Variants in SMG6 observed in about 807,000 individuals in gnomAD.
The protein encoded by SMG6 is telomerase-binding protein EST1A.
SMG6 carries 66 observed loss-of-function variants against 142.2 expected under a neutral mutation model. The observed-to-expected ratio is 0.46, with a 90% CI of 0.38 to 0.57. The LOEUF is 0.57. SMG6 is among the 20% of genes least tolerant of loss of function. SMG6 has a pLI of 0.00. For missense variants in SMG6, 1,793 were observed against 1,832.0 expected (o/e 0.98, Z 0.39); for synonymous variants, 779 against 702.4 (o/e 1.11, Z -1.72).
At chr17:2,284,352 A>G (rs886572324) in intron 6 of SMG6, among the ~76,000 whole-genome samples, 1 of 152,194 alleles carries the variant, frequency 6.6e-6, no homozygotes, top group African/African-American at 2.4e-5. Context: ...TGTTATTGAT[A>G]ATTTTTTAAA....
intron 10 of SMG6, among the ~76,000 whole-genome samples, chr17:2,190,163 C>T (rs959264257): frequency 1.3e-5 from 2 of 152,168 alleles, no homozygotes; most frequent in Non-Finnish European, 2.9e-5. Flanking sequence ...CTGTCAGTAC[C>T]GCCCAGCTCA....
chr17:2,115,925 T>C (rs77414017), intron 13 of SMG6, among the ~76,000 whole-genome samples: 2,892 of 152,228 alleles, frequency 0.019, 54 homozygotes, highest in South Asian at 0.065. Flanking sequence ...CAGGTTGGTC[T>C]TGAACTCATG....
At chr17:2,260,150 A>G (rs553061081) in intron 8 of SMG6, among the ~76,000 whole-genome samples, 1 of 152,372 alleles carries the variant, frequency 6.6e-6, no homozygotes, top group Admixed American at 6.5e-5. Context: ...GAAAAAGAAG[A>G]AAACTGTTAG....
chr17:2,236,364 G>A (rs2073651759), intron 10 of SMG6, 128 bp downstream of exon 10: 1 of 813,982 alleles, frequency 1.2e-6, no homozygotes, highest in African/African-American at 1.7e-5. Context: ...AGGAAGCGTA[G>A]GGTAGGGTGT....
chr17:2,251,133 A>G (rs913960193), intron 8 of SMG6, among the ~76,000 whole-genome samples: 4 of 146,794 alleles, frequency 2.7e-5, no homozygotes, highest in Non-Finnish European at 4.5e-5. Flanking sequence ...GGAATCTAAG[A>G]AAAAAAAAAA....
rs527563765 is a variant in SMG6 at position 2,149,630 on chromosome 17, T to A, written c.3357+23028A>T. 3.3e-5 allele frequency among the ~76,000 whole-genome samples: 5 copies of A among 152,266 alleles called. No individual in the cohort carries two copies. The East Asian group carries it at 9.7e-4, about 29-fold the overall frequency. ...CAATCTAGGCAGGGCTTGTAGGCAC[T>A]CCTTGACATCGTGGTCTGACTGGCA... On this transcript the variant is annotated intron_variant, in intron 13 of 18. Coordinates refer to ENST00000263073, the MANE Select transcript of SMG6 (RefSeq NM_017575.5).
In SMG6 at chr17:2,300,514, T is replaced by C. The variant is rs1414167290; in HGVS notation, c.239A>G (p.Asn80Ser). ...GSEEFKDEIVNDRDCSAVENG... is the reference protein window; with the variant it reads ...GSEEFKDEIVSDRDCSAVENG... ...TTCAACAGCAGAGCAATCTCGGTCA[T>C]TAACAATTTCATCTTTGAATTCCTC... Residue 80 changes from asparagine to serine, a missense_variant, in exon 2 of 19, where the codon AAT (asparagine) becomes AGT (serine). By Grantham distance (46) the Asn-to-Ser change is conservative. Transcript: ENST00000263073. The C allele has an allele frequency of 6.2e-7, 1 of 1,614,162 alleles. No individual in the cohort carries two copies. Among genetic ancestry groups the C allele is most frequent in the Non-Finnish European group, 8.5e-7 (1 of 1,180,000 alleles).
intron 13 of SMG6, among the ~76,000 whole-genome samples, chr17:2,120,270 C>T (rs2069645778): frequency 6.6e-6 from 1 of 152,200 alleles, no homozygotes; most frequent in Non-Finnish European, 1.5e-5. Flanking sequence ...ATAGGTAAGA[C>T]ACAGGCTTTG....
At chr17:2,081,298 G>A (rs1001168742) in intron 15 of SMG6, among the ~76,000 whole-genome samples, 1 of 152,198 alleles carries the variant, frequency 6.6e-6, no homozygotes, top group African/African-American at 2.4e-5. Context: ...GCTGATGGGG[G>A]TCAAAGTCCC....
At chr17:2,069,262 A>G (rs908570159) in intron 15 of SMG6, among the ~76,000 whole-genome samples, 3 of 152,190 alleles carry the variant, frequency 2.0e-5, no homozygotes, top group Non-Finnish European at 4.4e-5. Context: ...CTTAGATATG[A>G]AAGTGGTTTC....
At chr17:2,273,962 C>T (rs902743741) in intron 8 of SMG6, among the ~76,000 whole-genome samples, 2 of 152,156 alleles carry the variant, frequency 1.3e-5, no homozygotes, top group Non-Finnish European at 2.9e-5. Context: ...AGAACATAAC[C>T]ACCACAAATA....
intron 13 of SMG6, among the ~76,000 whole-genome samples, chr17:2,110,031 G>A (rs1237620562): frequency 7.0e-6 from 1 of 142,068 alleles, no homozygotes; most frequent in Non-Finnish European, 1.5e-5. Context: ...GCAGTGAGCA[G>A]AGATTGCACT....
In SMG6 at chr17:2,083,064, G is replaced by GA. The variant is rs537503319; in HGVS notation, c.3535-1109dup. On this transcript the variant is annotated intron_variant, in intron 14 of 18. Coordinates refer to ENST00000263073, the MANE Select transcript of SMG6 (RefSeq NM_017575.5). The stretch of plus-strand genomic sequence containing the variant: ...CAGGGTCACATGGCTAGTAAAGGCA[G>GA]AACAGGGATTGAAGCCCAAGTGAAT... Among the ~76,000 whole-genome samples the GA allele has an allele frequency of 2.2e-4, 33 of 152,296 alleles. No homozygotes were observed. The East Asian group carries it at 4.3e-3, about 20-fold the overall frequency.
intron 2 of SMG6, among the ~76,000 whole-genome samples, chr17:2,298,561 AC>A (rs1276598857): frequency 1.3e-5 from 2 of 152,040 alleles, no homozygotes; most frequent in African/African-American, 2.4e-5. Flanking sequence ...CTCTAAAAAT[AC>A]AAAAAATTAG....
At chr17:2,149,787 G>C (rs769553627) in intron 13 of SMG6, among the ~76,000 whole-genome samples, 64 of 152,210 alleles carry the variant, frequency 4.2e-4, no homozygotes, top group Non-Finnish European at 4.9e-4. Flanking sequence ...AGTCCTAAGA[G>C]GCTAAAACTT....
At chr17:2,292,493 C>T (rs1435696007) in intron 6 of SMG6, 59 bp downstream of exon 6, 6 of 1,516,606 alleles carry the variant, frequency 4.0e-6, no homozygotes, top group Non-Finnish European at 5.5e-6. Context: ...TATTATCAAA[C>T]TCCATATTGT....
intron 13 of SMG6, among the ~76,000 whole-genome samples, chr17:2,092,074 C>T (rs920469743): frequency 6.6e-6 from 1 of 151,996 alleles, no homozygotes; most frequent in Admixed American, 6.6e-5. Flanking sequence ...CAACCTCCGC[C>T]TCCCGGGTTG....
intron 13 of SMG6, among the ~76,000 whole-genome samples, chr17:2,125,529 A>G (rs1279086191): frequency 6.6e-6 from 1 of 152,248 alleles, no homozygotes; most frequent in Non-Finnish European, 1.5e-5. Context: ...AAAACATTCT[A>G]TGTTCATGAA....
intron 13 of SMG6, among the ~76,000 whole-genome samples, chr17:2,153,844 ACTGGGAAAC>A (rs2070908684): frequency 4.4e-5 from 5 of 112,828 alleles, no homozygotes; most frequent in Non-Finnish European, 8.7e-5. Flanking sequence ...TGTGACGGTG[ACTGGGAAAC>A]CTGGGGATGC....
Sources: gnomAD v4.1 joint callset for allele counts (sites outside exome capture counted in the v4.1 genomes callset) on GRCh38, gnomAD v4.1.1 for gene constraint, MANE v1.5 for transcripts, NCBI Gene and HGNC (gene_info 2026-07-23, HGNC 2026-07-21) for gene names.